FKBP1A: variants seen among roughly 807,000 people sequenced by gnomAD.
The protein encoded by FKBP1A is peptidyl-prolyl cis-trans isomerase FKBP1A.
FKBP1A carries 5 observed loss-of-function variants against 14.2 expected under a neutral mutation model. That is an observed-to-expected ratio of 0.35 (90% CI 0.18 to 0.74). FKBP1A has a LOEUF of 0.74. Ranked by LOEUF, FKBP1A falls within the 30% of genes least tolerant of loss-of-function variation. FKBP1A has a pLI of 0.56. For synonymous variants in FKBP1A, 42 were observed against 49.1 expected, an observed-to-expected ratio of 0.86 and a Z score of 0.60; for missense variants, 53 against 138.8, an observed-to-expected ratio of 0.38 and a Z score of 3.10.
At chr20:1,382,821 C>T (rs1429498085) in intron 2 of FKBP1A, among the ~76,000 whole-genome samples, 2 of 152,198 alleles carry the variant, frequency 1.3e-5, no homozygotes, top group African/African-American at 4.8e-5. Context: ...AGGCTGTTGA[C>T]GTCATCTTCG....
chr20:1,371,891 G>A lies in FKBP1A; in HGVS notation c.*36+185C>T, dbSNP rs536546656. The A allele has an allele frequency of 1.9e-3, 2,635 of 1,361,668 alleles. 3 individuals carry two copies. The highest frequency in any genetic ancestry group is 2.2e-3 in the Non-Finnish European group (2,292 of 1,058,920). The allele number at this position is 1,361,668 out of a possible 1,614,324, so 84.3% of individuals were successfully genotyped here. ...ATACACATGCCAATTCCTTTCCTTA[G>A]GGTGACCAATTTTTACATTCAAAGC... On this transcript the variant is annotated intron_variant, in intron 4 of 4. Transcript: ENST00000400137.
At chr20:1,370,336 G>A (rs2089446941) in intron 4 of FKBP1A, 1 of 985,314 alleles carries the variant, frequency 1.0e-6, no homozygotes, top group Non-Finnish European at 1.2e-6. Flanking sequence ...AGGAGGGCTA[G>A]CCACCCATGC....
chr20:1,378,891 C>T (rs1377246596), intron 2 of FKBP1A, among the ~76,000 whole-genome samples: 6 of 152,274 alleles, frequency 3.9e-5, no homozygotes, highest in Admixed American at 3.9e-4. Flanking sequence ...ATCCCTGATC[C>T]GCGACAATGG....
intron 2 of FKBP1A, among the ~76,000 whole-genome samples, chr20:1,390,362 G>A (rs1319421793): frequency 6.9e-6 from 1 of 144,628 alleles, no homozygotes; most frequent in South Asian, 2.3e-4. Context: ...GGGGGGAGGG[G>A]GGAGGGGGGA....
At chr20:1,391,570 A>G (rs919476690) in intron 2 of FKBP1A, 5 of 398,026 alleles carry the variant, frequency 1.3e-5, no homozygotes, top group African/African-American at 8.2e-5. Context: ...GGCCACAGAA[A>G]TAAAAGGGCA....
chr20:1,391,512 C>T (rs1463437083), intron 2 of FKBP1A: 15 of 394,614 alleles, frequency 3.8e-5, no homozygotes, highest in Non-Finnish European at 6.2e-5. Flanking sequence ...TTTTAAAGTT[C>T]TAGTCCTTAA....
chr20:1,380,748 G>A (rs540426997), intron 2 of FKBP1A, among the ~76,000 whole-genome samples: 34 of 152,250 alleles, frequency 2.2e-4, no homozygotes, highest in Admixed American at 5.9e-4. Context: ...ATGCAAAGAG[G>A]CAGAAAACAG....
Position 1,375,474 on chromosome 20 carries a change from C to T in FKBP1A, c.198+17G>A, listed in dbSNP as rs770587902. 5 of 1,570,444 alleles carry T rather than the reference C, an allele frequency of 3.2e-6. No individual in the cohort carries two copies. The African/African-American group carries it at 4.0e-5, about 13-fold the overall frequency. On this transcript the variant is annotated intron_variant, in intron 3 of 4. Transcript: ENST00000400137. ...GTAAATACTAGAAAGCAAAACAAAACAAATGAGAGAGCATACCTGGGCAAC... is the reference window on the plus strand; with the variant it reads ...GTAAATACTAGAAAGCAAAACAAAATAAATGAGAGAGCATACCTGGGCAAC...
Position 1,372,675 on chromosome 20 carries a change from A to T in FKBP1A, c.199-435T>A, listed in dbSNP as rs547386432. Among the ~76,000 whole-genome samples, 10 of 152,342 alleles carry T rather than the reference A, an allele frequency of 6.6e-5. No homozygotes were observed. The South Asian group carries it at 1.7e-3, about 25-fold the overall frequency. ...AAAAAATATATACACAGGAAGTAAT[A>T]CTTGAGGGTAGTCTATTTTTTCTGT... On this transcript the variant is annotated intron_variant, in intron 3 of 4. Coordinates refer to ENST00000400137, the MANE Select transcript of FKBP1A (RefSeq NM_000801.5).
At chr20:1,370,559 T>C in intron 4 of FKBP1A, 1 of 985,450 alleles carries the variant, frequency 1.0e-6, no homozygotes, top group Non-Finnish European at 1.2e-6. Flanking sequence ...TGGTCATTCA[T>C]AATGTTGAGT....
At chr20:1,376,837 T>C (rs1033609766) in intron 2 of FKBP1A, 1 of 151,994 alleles carries the variant, frequency 6.6e-6, no homozygotes, top group Non-Finnish European at 1.5e-5. Context: ...CGCCTTCCAA[T>C]AAAAGGGGAA....
intron 2 of FKBP1A, chr20:1,377,794 G>A (rs2089567181): frequency 1.3e-5 from 2 of 152,126 alleles, no homozygotes; most frequent in South Asian, 2.1e-4. Flanking sequence ...CGACTCCAAG[G>A]CTCAGTAACC....
At chr20:1,385,642 T>C (rs1213763249) in intron 2 of FKBP1A, among the ~76,000 whole-genome samples, 1 of 152,022 alleles carries the variant, frequency 6.6e-6, no homozygotes, top group Non-Finnish European at 1.5e-5. Flanking sequence ...ATAAAACTCT[T>C]AAAATGGCCT....
In FKBP1A at chr20:1,375,525, T is replaced by G; in HGVS notation, c.164A>C (p.Glu55Ala). The G allele has an allele frequency of 6.2e-7, 1 of 1,613,992 alleles. No homozygotes were observed. The highest frequency in any genetic ancestry group is 1.1e-5 in the South Asian group (1 of 91,076). ...KPFKFMLGKQ[E>A]VIRGWEEGVA... ...CCCTTCTTCCCAGCCTCGGATCACC[T>G]CCTGCTTGCCTAGCATAAACTTAAA... The change falls in exon 3 of 5, where the codon GAG becomes GCG. Residue 55 changes from glutamate to alanine, a missense_variant. This residue lies in a region of FKBP1A where 35 missense variants were observed against 118.1 expected (regional missense o/e 0.30). Coordinates refer to ENST00000400137, the MANE Select transcript of FKBP1A (RefSeq NM_000801.5).
chr20:1,378,861 A>G (rs1033784404), intron 2 of FKBP1A: 1 of 152,252 alleles, frequency 6.6e-6, no homozygotes, highest in African/African-American at 2.4e-5. Flanking sequence ...AGAACTCAAC[A>G]ACTAAAACCA....
At position 1,372,067 on chromosome 20, in the gene FKBP1A, T is replaced by C; in HGVS notation, c.*36+9A>G. The C allele has an allele frequency of 6.2e-7, 1 of 1,611,378 alleles. No homozygotes were observed. Among genetic ancestry groups the C allele is most frequent in the Non-Finnish European group, 8.5e-7 (1 of 1,178,654 alleles). ...CAGTGAAGGGCCCTTCAGTATTCCA[T>C]TTCCTTACCCAAGAACAGGGAGCTA... is the stretch of plus-strand genomic sequence containing the variant. On this transcript the variant is annotated intron_variant, in intron 4 of 4. Transcript: ENST00000400137.
At chr20:1,373,796 T>C (rs2089501363) in intron 3 of FKBP1A, among the ~76,000 whole-genome samples, 1 of 152,176 alleles carries the variant, frequency 6.6e-6, no homozygotes. Flanking sequence ...GAACAATGGC[T>C]GGCATGAAAG....
At chr20:1,385,265 C>T (rs1337838608) in intron 2 of FKBP1A, among the ~76,000 whole-genome samples, 2 of 152,058 alleles carry the variant, frequency 1.3e-5, no homozygotes, top group African/African-American at 4.8e-5. Flanking sequence ...TGGCGTGCGC[C>T]TGTAGTCCCA....
intron 2 of FKBP1A, among the ~76,000 whole-genome samples, chr20:1,376,027 C>T (rs747874331): frequency 5.3e-5 from 8 of 152,182 alleles, no homozygotes; most frequent in Non-Finnish European, 1.2e-4. Flanking sequence ...CCAAAATCCC[C>T]CATCATCTTT....
Sources: allele counts gnomAD v4.1 joint callset (sites outside exome capture counted in the v4.1 genomes callset), GRCh38; gene constraint gnomAD v4.1.1; regional missense constraint gnomAD v4.1.1; transcripts MANE v1.5; gene names NCBI Gene and HGNC (gene_info 2026-07-23, HGNC 2026-07-21).